ATG14: variants seen among roughly 807,000 people sequenced by gnomAD.
The protein encoded by ATG14 is autophagy related 14.
In ATG14, 35 loss-of-function variants were observed where a neutral mutation model predicts 60.4. The ratio of observed to expected loss-of-function variants is 0.58; its 90% CI spans 0.44 to 0.77. The LOEUF (loss-of-function observed/expected upper bound fraction) is 0.77, where lower values mean the gene tolerates loss of function less well. Ranked by LOEUF, ATG14 falls within the 30% of genes least tolerant of loss-of-function variation. The pLI is 0.00. For missense variants in ATG14, 647 were observed against 626.3 expected (o/e 1.03, Z -0.35); for synonymous variants, 234 against 228.8 (o/e 1.02, Z -0.21).
chr14:55,385,896 C>A lies in ATG14; in HGVS notation c.610G>T (p.Val204Phe). 1 of 1,613,088 alleles carries A rather than the reference C, an allele frequency of 6.2e-7. No individual in the cohort carries two copies. The highest frequency in any genetic ancestry group is 1.3e-5 in the African/African-American group (1 of 74,976). Residue 204 changes from valine to phenylalanine, a missense_variant, in exon 5 of 10, where the codon GTC becomes TTC. Val to Phe is a conservative substitution (Grantham distance 50). Transcript: ENST00000247178. ...RRSHILELTS[V>F]IFPIEEVKTG... ...TTTACTTCCTCGATTGGAAAAATGA[C>A]AGAGGTGAGCTCTAATATATGGGAT...
chr14:55,391,072 T>C, intron 3 of ATG14, 80 bp from the exon 4 acceptor site: 2 of 891,638 alleles, frequency 2.2e-6, no homozygotes, highest in Non-Finnish European at 3.5e-6. Context: ...TCACTGCTTA[T>C]TTTCAGATAT....
At chr14:55,372,718 C>A (rs1668366760) in intron 9 of ATG14, among the ~76,000 whole-genome samples, 1 of 150,508 alleles carries the variant, frequency 6.6e-6, no homozygotes, top group South Asian at 2.1e-4. Flanking sequence ...CAGCTCCTTC[C>A]TTCTTTCCTC....
chr14:55,401,056 C>T (rs1314450421), intron 1 of ATG14, among the ~76,000 whole-genome samples: 1 of 152,068 alleles, frequency 6.6e-6, no homozygotes, highest in Non-Finnish European at 1.5e-5. Flanking sequence ...CCAACAGCAC[C>T]TGTTTTCTCA....
chr14:55,395,598 T>A (rs762827524), intron 3 of ATG14, among the ~76,000 whole-genome samples: 54 of 152,350 alleles, frequency 3.5e-4, no homozygotes, highest in Middle Eastern at 6.8e-3. Flanking sequence ...CAAGATTATG[T>A]AAATAGCCAC....
chr14:55,393,321 G>A (rs541374065), intron 3 of ATG14, among the ~76,000 whole-genome samples: 171 of 152,066 alleles, frequency 1.1e-3, no homozygotes, highest in African/African-American at 3.8e-3. Flanking sequence ...GGAGGTGGAG[G>A]TTGCAGTGAG....
chr14:55,369,956 A>G, intron 9 of ATG14, 31 bp from the exon 10 acceptor site: 1 of 1,546,074 alleles, frequency 6.5e-7, no homozygotes, highest in Non-Finnish European at 8.7e-7. Context: ...TCTCTTTAGG[A>G]TAACAACCAT....
At chr14:55,374,583 G>GT (rs1191285174) in intron 9 of ATG14, among the ~76,000 whole-genome samples, 1 of 152,120 alleles carries the variant, frequency 6.6e-6, no homozygotes, top group Non-Finnish European at 1.5e-5. Flanking sequence ...TTTGGGTTTT[G>GT]TGGCTTACTT....
At position 55,397,430 on chromosome 14, in the gene ATG14, T is replaced by C. The variant is rs942789171; in HGVS notation, c.226A>G (p.Ile76Val). The C allele has an allele frequency of 6.2e-7, 1 of 1,611,622 alleles. No homozygotes were observed. Among genetic ancestry groups the C allele is most frequent in the Non-Finnish European group, 8.5e-7 (1 of 1,178,094 alleles). The change falls in exon 2 of 10, where the codon ATC becomes GTC. Residue 76 changes from isoleucine to valine, a missense_variant. Ile to Val is a conservative substitution (Grantham distance 29). Transcript: ENST00000247178. Reference protein sequence around the residue: ...YFDGRDRERFIDKKERLSRLK... With the variant: ...YFDGRDRERFVDKKERLSRLK... ...CGGCTTAACCTTTCCTTCTTGTCGA[T>C]AAACCTGTAACAAAAAAATTCAATG...
rs1244726508 is a variant in ATG14 at position 55,366,912 on chromosome 14, T to G, written c.*2707A>C. On this transcript the variant is annotated 3_prime_UTR_variant, in exon 10 of 10. Transcript: ENST00000247178. ...GGTTGAAATGTATACTTAAGAGTATTTACAGGGTGGATCCAGTGCAAAATA... is the reference window on the plus strand; with the variant it reads ...GGTTGAAATGTATACTTAAGAGTATGTACAGGGTGGATCCAGTGCAAAATA... The G allele has an allele frequency of 2.6e-5, 4 of 152,610 alleles. No homozygotes were observed. Among genetic ancestry groups the G allele is most frequent in the African/African-American group, 9.7e-5 (4 of 41,424 alleles). The allele number at this position is 152,610 out of a possible 1,614,324, so 9.5% of individuals were successfully genotyped here.
At chr14:55,383,725 C>G (rs1438070239) in intron 5 of ATG14, among the ~76,000 whole-genome samples, 5 of 152,004 alleles carry the variant, frequency 3.3e-5, no homozygotes, top group Non-Finnish European at 7.4e-5. Context: ...CCATTGCACT[C>G]CAGCCTGGGC....
rs895755773 is a variant in ATG14, at chr14:55,411,644, T to C, written c.179A>G (p.Gln60Arg). 8.1e-6 allele frequency: 13 copies of C among 1,613,242 alleles called. No homozygotes were observed. The African/African-American group carries it at 1.6e-4, about 20-fold the overall frequency. ...RRRLTCAKCVQSGDFVYFDGR... is the reference protein window; with the variant it reads ...RRRLTCAKCVRSGDFVYFDGR... ...GTCGAAGTAGACGAAATCGCCGCTC[T>C]GAACGCATTTGGCGCAGGTCAGCCG... Residue 60 changes from glutamine to arginine, a missense_variant, in exon 1 of 10, where the codon CAG becomes CGG. Gln to Arg is a conservative substitution (Grantham distance 43). Coordinates refer to ENST00000247178, the MANE Select transcript of ATG14 (RefSeq NM_014924.5).
At chr14:55,398,538 G>A (rs1409567029) in intron 1 of ATG14, among the ~76,000 whole-genome samples, 1 of 152,092 alleles carries the variant, frequency 6.6e-6, no homozygotes, top group Non-Finnish European at 1.5e-5. Flanking sequence ...TTATTTAGAA[G>A]CATATTGTTT....
At chr14:55,383,585 C>A (rs1222620420) in intron 5 of ATG14, among the ~76,000 whole-genome samples, 17 of 148,372 alleles carry the variant, frequency 1.1e-4, no homozygotes, top group African/African-American at 2.7e-4. Context: ...ACAACAACAA[C>A]AACAAAAAAA....
rs749894111 is a variant in ATG14 at position 55,369,840 on chromosome 14, C to T, written c.1258G>A (p.Gly420Arg). 1.3e-5 allele frequency: 21 copies of T among 1,614,150 alleles called. No homozygotes were observed. Among genetic ancestry groups the T allele is most frequent in the South Asian group, 1.2e-4 (11 of 91,076 alleles). Residue 420 changes from glycine (G) to arginine (R), a missense_variant, in exon 10 of 10, where the codon GGA becomes AGA. Transcript: ENST00000247178. Reference protein sequence around the residue: ...PGVAGESDESGDERVSDEETD... With the variant: ...PGVAGESDESRDERVSDEETD... The stretch of plus-strand genomic sequence containing the variant: ...TCTTCATCGCTGACGCGCTCATCTC[C>T]GCTCTCATCTGATTCTCCAGCAACT...
In ATG14 at chr14:55,402,518, G is replaced by T. The variant is rs115146119; in HGVS notation, c.222-5084C>A. On this transcript the variant is annotated intron_variant, in intron 1 of 9. Coordinates refer to ENST00000247178, the MANE Select transcript of ATG14 (RefSeq NM_014924.5). Reference sequence around the variant, plus strand: ...TAATAGCAAGAAACTGGAAACTAGTGTTCAATGGGAGAAAGACTAAATGAT... The same window carrying T: ...TAATAGCAAGAAACTGGAAACTAGTTTTCAATGGGAGAAAGACTAAATGAT... Among the ~76,000 whole-genome samples the T allele has an allele frequency of 5.5e-3, 830 of 152,156 alleles. 8 individuals carry two copies. The highest frequency in any genetic ancestry group is 0.019 in the African/African-American group (791 of 41,518).
intron 6 of ATG14, among the ~76,000 whole-genome samples, 186 bp from the exon 7 acceptor site, chr14:55,380,876 T>TATATATATATATATA (rs1555341864): frequency 3.8e-4 from 32 of 84,304 alleles, no homozygotes; most frequent in African/African-American, 1.8e-3. Context: ...TATATATATA[T>TATATATATATATATA]TTTTTTTTTT....
At chr14:55,375,000 A>G (rs1358344463) in intron 9 of ATG14, among the ~76,000 whole-genome samples, 1 of 152,200 alleles carries the variant, frequency 6.6e-6, no homozygotes, top group Non-Finnish European at 1.5e-5. Flanking sequence ...TCAGCTTGTC[A>G]AAGCTCCATG....
intron 9 of ATG14, among the ~76,000 whole-genome samples, chr14:55,374,829 G>C (rs1308079284): frequency 6.6e-6 from 1 of 152,150 alleles, no homozygotes; most frequent in Non-Finnish European, 1.5e-5. Context: ...ACAAGAGTCT[G>C]TTTCGGGACT....
At chr14:55,374,655 A>T (rs1421520667) in intron 9 of ATG14, among the ~76,000 whole-genome samples, 1 of 151,946 alleles carries the variant, frequency 6.6e-6, no homozygotes, top group Non-Finnish European at 1.5e-5. Flanking sequence ...TTATAGCTGT[A>T]TTTTTTTAAA....
Sources: gnomAD v4.1 joint callset for allele counts (sites outside exome capture counted in the v4.1 genomes callset) on GRCh38, gnomAD v4.1.1 for gene constraint, MANE v1.5 for transcripts, NCBI Gene and HGNC (gene_info 2026-07-23, HGNC 2026-07-21) for gene names.